SOX5: variants seen among roughly 807,000 people sequenced by gnomAD.
SOX5 encodes SRY-box transcription factor 5, also known as transcription factor SOX-5.
Under a neutral mutation model 92.0 loss-of-function variants are expected in SOX5, and 9 were observed. The observed-to-expected ratio is 0.10, with a 90% CI of 0.06 to 0.17. SOX5 has a LOEUF of 0.17. Ranked by LOEUF, SOX5 falls within the 10% of genes least tolerant of loss-of-function variation. The probability of loss-of-function intolerance (pLI) is 1.00; values close to 1 mark genes in which losing one functional copy is unlikely to be tolerated. For synonymous variants in SOX5, 344 were observed against 336.3 expected, an observed-to-expected ratio of 1.02 and a Z score of -0.25; for missense variants, 642 against 944.5, an observed-to-expected ratio of 0.68 and a Z score of 4.20.
intron 1 of SOX5, among the ~76,000 whole-genome samples, chr12:24,535,870 G>A (rs1038169266): frequency 6.6e-5 from 10 of 151,996 alleles, no homozygotes; most frequent in African/African-American, 2.2e-4. Flanking sequence ...CACTATAAGC[G>A]GCTGACAATT....
intron 2 of SOX5, among the ~76,000 whole-genome samples, chr12:24,327,759 T>C (rs1785363418): frequency 6.6e-6 from 1 of 151,848 alleles, no homozygotes; most frequent in African/African-American, 2.4e-5. Flanking sequence ...AATTTTTTTA[T>C]GTGTGTGTGT....
At chr12:24,343,409 C>A (rs1952803587) in intron 2 of SOX5, among the ~76,000 whole-genome samples, 1 of 151,282 alleles carries the variant, frequency 6.6e-6, no homozygotes, top group Admixed American at 6.6e-5. Context: ...TTCAGGTAAG[C>A]TAAACTGAGG....
chr12:23,758,008 CAAAAAAAAAAAAAAAA>C (rs34841595), intron 3 of SOX5, among the ~76,000 whole-genome samples: 1 of 68,218 alleles, frequency 1.5e-5, no homozygotes, highest in Non-Finnish European at 2.4e-5. Context: ...GCACACACTA[CAAAAAAAAAAAAAAAA>C]AAAAAAAAAA....
At chr12:24,091,749 T>C (rs1439447918) in intron 4 of SOX5, among the ~76,000 whole-genome samples, 3 of 152,120 alleles carry the variant, frequency 2.0e-5, no homozygotes, top group Non-Finnish European at 4.4e-5. Context: ...GAGACACCAA[T>C]CATTAAGCTT....
intron 1 of SOX5, among the ~76,000 whole-genome samples, chr12:24,401,805 G>T (rs978230843): frequency 6.8e-6 from 1 of 148,058 alleles, no homozygotes; most frequent in African/African-American, 2.5e-5. Flanking sequence ...AGCCTACAAA[G>T]CCTAAAATAT....
intron 4 of SOX5, among the ~76,000 whole-genome samples, chr12:24,155,794 G>A (rs1288399995): frequency 6.6e-6 from 1 of 152,164 alleles, no homozygotes; most frequent in Non-Finnish European, 1.5e-5. Flanking sequence ...ACATGGTTAA[G>A]CATGGAGCAG....
intron 2 of SOX5, among the ~76,000 whole-genome samples, chr12:24,355,356 G>A (rs1350387054): frequency 1.6e-5 from 2 of 123,338 alleles, no homozygotes; most frequent in Non-Finnish European, 3.1e-5. Flanking sequence ...CACCCAGGCT[G>A]GAGTGCAGTG....
chr12:24,339,291 A>G (rs888607419), intron 2 of SOX5, among the ~76,000 whole-genome samples: 9 of 152,140 alleles, frequency 5.9e-5, no homozygotes, highest in Admixed American at 1.3e-4. Flanking sequence ...AGAATCAAGA[A>G]AAGATTCATG....
intron 8 of SOX5, among the ~76,000 whole-genome samples, chr12:23,625,166 A>T (rs545331653): frequency 2.6e-5 from 4 of 152,350 alleles, no homozygotes; most frequent in South Asian, 4.1e-4. Context: ...TTCCATTTCA[A>T]CTGATGCTAA....
intron 12 of SOX5, among the ~76,000 whole-genome samples, chr12:23,545,005 G>A (rs1391782926): frequency 1.3e-5 from 2 of 152,222 alleles, no homozygotes; most frequent in Non-Finnish European, 1.5e-5. Flanking sequence ...GCTAAGTGGA[G>A]CTGAAAATAG....
intron 12 of SOX5, 61 bp from the exon 13 acceptor site, chr12:23,543,445 C>T: frequency 7.6e-7 from 1 of 1,316,222 alleles, no homozygotes; most frequent in South Asian, 1.3e-5. Context: ...CTTTTCCTTG[C>T]ATTCCTATTT....
At chr12:24,140,335 G>A (rs1241594989) in intron 4 of SOX5, among the ~76,000 whole-genome samples, 1 of 152,036 alleles carries the variant, frequency 6.6e-6, no homozygotes, top group African/African-American at 2.4e-5. Flanking sequence ...ATGGACCAAG[G>A]ATTCTCCCTA....
intron 4 of SOX5, among the ~76,000 whole-genome samples, chr12:23,977,970 C>T (rs777334030): frequency 2.0e-5 from 3 of 152,168 alleles, no homozygotes; most frequent in Non-Finnish European, 4.4e-5. Flanking sequence ...AAATTCCAAA[C>T]AAACTACTTG....
intron 3 of SOX5, among the ~76,000 whole-genome samples, chr12:23,843,085 T>A (rs2096536896): frequency 6.6e-6 from 1 of 152,150 alleles, no homozygotes; most frequent in Non-Finnish European, 1.5e-5. Flanking sequence ...CCAAATCTCA[T>A]CTGATTGAGA....
At chr12:23,660,307 T>C (rs1007770703) in intron 7 of SOX5, among the ~76,000 whole-genome samples, 1 of 152,078 alleles carries the variant, frequency 6.6e-6, no homozygotes, top group African/African-American at 2.4e-5. Flanking sequence ...CACCAATTCT[T>C]AGATAATCTC....
intron 2 of SOX5, among the ~76,000 whole-genome samples, chr12:24,325,220 A>G (rs1950566378): frequency 6.6e-6 from 1 of 152,114 alleles, no homozygotes; most frequent in Non-Finnish European, 1.5e-5. Context: ...ACACACTAAA[A>G]TTGTTTACTG....
chr12:23,973,274 C>T (rs948352473), intron 4 of SOX5, among the ~76,000 whole-genome samples: 1 of 150,882 alleles, frequency 6.6e-6, no homozygotes. Context: ...TGACTTCCTG[C>T]CTCAGCCTCC....
At chr12:23,762,659 T>C (rs2094595447) in intron 3 of SOX5, 2 of 482,036 alleles carry the variant, frequency 4.1e-6, no homozygotes, top group Non-Finnish European at 7.3e-6. Context: ...CAATTTTTAA[T>C]GTGAAGTTTT....
At chr12:24,268,955 G>C (rs2140308860) in intron 3 of SOX5, among the ~76,000 whole-genome samples, 1 of 152,232 alleles carries the variant, frequency 6.6e-6, no homozygotes, top group South Asian at 2.1e-4. Context: ...GTGCTATTCA[G>C]AGTTCTCATT....
Sources: gnomAD v4.1 joint callset for allele counts (sites outside exome capture counted in the v4.1 genomes callset) on GRCh38, gnomAD v4.1.1 for gene constraint, MANE v1.5 for transcripts, NCBI Gene and HGNC (gene_info 2026-07-23, HGNC 2026-07-21) for gene names.